NDUFA5: variants seen among roughly 807,000 people sequenced by gnomAD.
NDUFA5 encodes NADH dehydrogenase [ubiquinone] 1 alpha subcomplex subunit 5.
In NDUFA5, 11 loss-of-function variants were observed where a neutral mutation model predicts 19.8. The observed-to-expected ratio is 0.56, with a 90% CI of 0.35 to 0.92. The LOEUF (loss-of-function observed/expected upper bound fraction) is 0.92. Among genes scored for constraint, NDUFA5 ranks in the 40% least tolerant of loss-of-function variants. The probability of loss-of-function intolerance (pLI) is 0.01; values close to 1 mark genes in which losing one functional copy is unlikely to be tolerated. For missense variants in NDUFA5, 109 were observed against 134.2 expected (o/e 0.81, Z 0.93); for synonymous variants, 47 against 46.8 (o/e 1.00, Z -0.01).
At chr7:123,573,338 G>A in the NDUFA5 span, among the ~76,000 whole-genome samples, 19 of 120,186 alleles carry the variant, frequency 1.6e-4, no homozygotes, top group Non-Finnish European at 2.6e-4. Context: ...TAGTTTAAAT[G>A]CTCATCGTAA....
the NDUFA5 span, among the ~76,000 whole-genome samples, chr7:123,588,859 A>C: frequency 2.6e-5 from 4 of 151,462 alleles, no homozygotes. Context: ...TTTAATCTTC[A>C]CATATTTTTT....
chr7:123,593,801 A>T, the NDUFA5 span, among the ~76,000 whole-genome samples: 2 of 152,012 alleles, frequency 1.3e-5, no homozygotes, highest in Non-Finnish European at 2.9e-5. Context: ...CGTTCTCTGT[A>T]TTTCCTGAAT....
the NDUFA5 span, among the ~76,000 whole-genome samples, chr7:123,565,576 A>G: frequency 6.6e-6 from 1 of 152,108 alleles, no homozygotes; most frequent in East Asian, 1.9e-4. Context: ...CCTAATCCCC[A>G]TTACCTCAAA....
intron 4 of NDUFA5, among the ~76,000 whole-genome samples, chr7:123,545,106 T>C (rs952018761): frequency 3.3e-5 from 5 of 152,124 alleles, no homozygotes; most frequent in Admixed American, 6.5e-5. Context: ...ATTTTACTAC[T>C]CAATATTATT....
At chr7:123,562,232 A>C (rs1798698853), upstream of NDUFA5, among the ~76,000 whole-genome samples, 1 of 152,058 alleles carries the variant, frequency 6.6e-6, no homozygotes, top group African/African-American at 2.4e-5. Flanking sequence ...TGTTCCATTT[A>C]TAGAACACAG....
chr7:123,562,890 C>G (rs1290641028), upstream of NDUFA5, among the ~76,000 whole-genome samples: 1 of 151,328 alleles, frequency 6.6e-6, no homozygotes, highest in Non-Finnish European at 1.5e-5. Flanking sequence ...CTTTGCCTCC[C>G]TGGTTCAAGC....
At chr7:123,574,302 T>C in the NDUFA5 span, among the ~76,000 whole-genome samples, 4 of 152,086 alleles carry the variant, frequency 2.6e-5, no homozygotes, top group Non-Finnish European at 5.9e-5. Context: ...TCTAAGCATC[T>C]GTTTAGCCCA....
the NDUFA5 span, among the ~76,000 whole-genome samples, chr7:123,597,740 A>G: frequency 0.3 from 45,097 of 151,972 alleles, 6,843 homozygotes; most frequent in East Asian, 0.4. Context: ...CTGAGGCAGG[A>G]GAATTGCTTG....
intron 2 of NDUFA5, among the ~76,000 whole-genome samples, chr7:123,554,266 T>C (rs182691646): frequency 1.2e-3 from 178 of 152,330 alleles, no homozygotes; most frequent in Non-Finnish European, 2.3e-3. Flanking sequence ...AATAAAATAA[T>C]TAAATTTTAC....
At chr7:123,568,524 GAA>G in the NDUFA5 span, among the ~76,000 whole-genome samples, 2 of 87,556 alleles carry the variant, frequency 2.3e-5, no homozygotes, top group Non-Finnish European at 2.4e-5. Flanking sequence ...TCCATCTCAA[GAA>G]AAAAAAAAAA....
chr7:123,600,858 G>C, the NDUFA5 span, among the ~76,000 whole-genome samples: 1 of 152,144 alleles, frequency 6.6e-6, no homozygotes. Flanking sequence ...AAATGTCAGA[G>C]ATGAGACGAA....
At chr7:123,591,928 C>G in the NDUFA5 span, among the ~76,000 whole-genome samples, 1 of 152,118 alleles carries the variant, frequency 6.6e-6, no homozygotes, top group Non-Finnish European at 1.5e-5. Context: ...CCTTCTGGCC[C>G]CAGACTTTTT....
At chr7:123,553,325 G>C (rs2116168936) in intron 2 of NDUFA5, among the ~76,000 whole-genome samples, 1 of 152,344 alleles carries the variant, frequency 6.6e-6, no homozygotes, top group African/African-American at 2.4e-5. Flanking sequence ...TGTCTTACAT[G>C]GCAGGAAGCA....
At chr7:123,553,875 T>A (rs141831053) in intron 2 of NDUFA5, among the ~76,000 whole-genome samples, 17 of 152,324 alleles carry the variant, frequency 1.1e-4, no homozygotes, top group African/African-American at 3.8e-4. Context: ...AGAATTCACT[T>A]CAGCTGAGAC....
At chr7:123,572,159 T>C in the NDUFA5 span, among the ~76,000 whole-genome samples, 3 of 113,860 alleles carry the variant, frequency 2.6e-5, no homozygotes, top group Admixed American at 9.5e-5. Flanking sequence ...TTTTTTTTTT[T>C]GGAGACAGAG....
At chr7:123,543,853 T>TA (rs1347449422) in intron 4 of NDUFA5, among the ~76,000 whole-genome samples, 6 of 152,272 alleles carry the variant, frequency 3.9e-5, no homozygotes, top group Admixed American at 2.0e-4. Flanking sequence ...CTGACGAATA[T>TA]AAAGGCCAGG....
At chr7:123,599,666 C>T in the NDUFA5 span, among the ~76,000 whole-genome samples, 9 of 152,176 alleles carry the variant, frequency 5.9e-5, no homozygotes, top group Non-Finnish European at 1.2e-4. Flanking sequence ...AAGGACAGTT[C>T]TTCTAACACC....
the NDUFA5 span, among the ~76,000 whole-genome samples, chr7:123,568,089 A>G: frequency 4.2e-4 from 64 of 152,316 alleles, no homozygotes; most frequent in African/African-American, 1.4e-3. Flanking sequence ...GCCATTACCC[A>G]GTTTTATCTT....
rs774901648 is a variant in NDUFA5 at position 123,552,636 on chromosome 7, T to TAAA, written c.67-2053_67-2051dup. ...TGTACCCCAGAACTTAAAGTATAAC[T>TAAA]AAAAAAAAAAAAAAAAAAAAAAAAT... On this transcript the variant is annotated intron_variant, in intron 2 of 4. Transcript: ENST00000355749. Among the ~76,000 whole-genome samples the TAAA allele has an allele frequency of 2.4e-3, 160 of 67,390 alleles. 5 individuals are homozygous for TAAA. Among genetic ancestry groups the TAAA allele is most frequent in the African/African-American group, 6.5e-3 (121 of 18,506 alleles). 44.2% of individuals were successfully genotyped at this position (67,390 alleles called of 152,430 possible). A position where few individuals can be genotyped will look rare whatever the true frequency, so the allele number is the denominator to read the frequency against.
Sources: gnomAD v4.1 joint callset for allele counts (sites outside exome capture counted in the v4.1 genomes callset) on GRCh38, gnomAD v4.1.1 for gene constraint, MANE v1.5 for transcripts, NCBI Gene and HGNC (gene_info 2026-07-23, HGNC 2026-07-21) for gene names.